The following DACH2 variants were observed in gnomAD, a reference collection of about 807,000 sequenced individuals.
The protein encoded by DACH2 is dachshund homolog 2.
A neutral mutation model predicts 35.8 loss-of-function variants in DACH2; 17 were observed. The ratio of observed to expected loss-of-function variants is 0.48; its 90% CI spans 0.33 to 0.71. The LOEUF is 0.71. Among genes scored for constraint, DACH2 ranks in the 30% least tolerant of loss-of-function variants. The pLI is 0.02. For missense variants in DACH2, 469 were observed against 472.7 expected (o/e 0.99, Z 0.07); for synonymous variants, 195 against 177.3 (o/e 1.10, Z -0.79).
chrX:86,296,238 G>A (rs748766627), intron 1 of DACH2, among the ~76,000 whole-genome samples: 58 of 103,494 alleles, frequency 5.6e-4, no homozygotes, highest in Non-Finnish European at 7.1e-4. Flanking sequence ...AAAATTAGCC[G>A]GGCGTGATGG....
chrX:86,616,252 T>G (rs1053328011), intron 3 of DACH2, among the ~76,000 whole-genome samples: 18 of 112,034 alleles, frequency 1.6e-4, no homozygotes, highest in African/African-American at 5.5e-4. Flanking sequence ...TGTGTCTTCA[T>G]AGTAGAAAGA....
chrX:86,373,142 C>T (rs1426390309), intron 1 of DACH2, among the ~76,000 whole-genome samples: 2 of 110,533 alleles, frequency 1.8e-5, no homozygotes, highest in African/African-American at 6.6e-5. Context: ...CATACAAGTT[C>T]ATGTGTGTTT....
intron 1 of DACH2, among the ~76,000 whole-genome samples, chrX:86,255,813 T>C (rs1047794569): frequency 1.3e-4 from 14 of 111,904 alleles, no homozygotes; most frequent in South Asian, 7.4e-4. Flanking sequence ...TCTATATAAA[T>C]CATGAAGTTT....
intron 2 of DACH2, among the ~76,000 whole-genome samples, chrX:86,432,004 G>T (rs889515234): frequency 9.0e-6 from 1 of 111,697 alleles, no homozygotes; most frequent in African/African-American, 3.2e-5. Context: ...GTTGTTTCTG[G>T]ATTGACAACT....
chrX:86,481,967 C>A (rs1210866410), intron 2 of DACH2, among the ~76,000 whole-genome samples: 1 of 112,136 alleles, frequency 8.9e-6, no homozygotes, highest in East Asian at 2.8e-4. Context: ...TACACTCAAT[C>A]ATTGATGCTA....
At position 86,659,786 on chromosome X, in the gene DACH2, A is replaced by G. The variant is rs973827272; in HGVS notation, c.772+8619A>G. On this transcript the variant is annotated intron_variant, in intron 4 of 11. Transcript: ENST00000373125. Reference sequence around the variant, plus strand: ...GCCTTGGTTACAATGAACGAATCTGAGATAATCACATTGCCTTTGAATTCT... The same window carrying G: ...GCCTTGGTTACAATGAACGAATCTGGGATAATCACATTGCCTTTGAATTCT... Among the ~76,000 whole-genome samples the G allele has an allele frequency of 4.5e-5, 5 of 111,772 alleles. 1 individual carries two copies. Among genetic ancestry groups the G allele is most frequent in the Non-Finnish European group, 3.8e-5 (2 of 53,009 alleles).
At chrX:86,687,406 G>A (rs753215776) in intron 4 of DACH2, among the ~76,000 whole-genome samples, 97 of 111,585 alleles carry the variant, frequency 8.7e-4, no homozygotes, top group African/African-American at 3.0e-3. Context: ...ATGCTGGAGA[G>A]GTTCTGGAAA....
chrX:86,256,519 C>T (rs989305286), intron 1 of DACH2, among the ~76,000 whole-genome samples: 1 of 111,434 alleles, frequency 9.0e-6, no homozygotes, highest in African/African-American at 3.3e-5. Flanking sequence ...TACACATGCG[C>T]GTGAGACTAA....
intron 1 of DACH2, among the ~76,000 whole-genome samples, chrX:86,258,130 C>T (rs1451561196): frequency 1.8e-5 from 2 of 111,774 alleles, no homozygotes; most frequent in Non-Finnish European, 3.8e-5. Context: ...GACATTTTGG[C>T]ATATTGGAAA....
chrX:86,355,696 T>A (rs1441117053), intron 1 of DACH2, among the ~76,000 whole-genome samples: 1 of 111,222 alleles, frequency 9.0e-6, no homozygotes, highest in Non-Finnish European at 1.9e-5. Flanking sequence ...ACCCAGCCTA[T>A]TTTTTGAGTT....
chrX:86,214,339 T>C (rs933140420), intron 1 of DACH2, among the ~76,000 whole-genome samples: 1 of 112,383 alleles, frequency 8.9e-6, no homozygotes, highest in Non-Finnish European at 1.9e-5. Flanking sequence ...TGATTGGTTA[T>C]CTTATGTCTA....
intron 1 of DACH2, among the ~76,000 whole-genome samples, chrX:86,360,249 A>C (rs1475747217): frequency 1.8e-5 from 2 of 110,681 alleles, no homozygotes; most frequent in Non-Finnish European, 1.9e-5. Context: ...GTAACACAGA[A>C]TCAGATGTTT....
At chrX:86,407,755 A>G (rs1464907004) in intron 2 of DACH2, among the ~76,000 whole-genome samples, 5 of 111,688 alleles carry the variant, frequency 4.5e-5, no homozygotes, top group Non-Finnish European at 7.5e-5. Flanking sequence ...AGAGCATTGA[A>G]TTTCATGGAT....
intron 6 of DACH2, 100 bp downstream of exon 6, chrX:86,714,820 A>C: frequency 3.9e-6 from 3 of 762,174 alleles, no homozygotes; most frequent in Non-Finnish European, 5.5e-6. Flanking sequence ...AACTCAGCTC[A>C]TTGACTCAGT....
intron 7 of DACH2, among the ~76,000 whole-genome samples, chrX:86,754,225 ATAAAAC>A (rs2041804595): frequency 1.8e-5 from 2 of 111,647 alleles, no homozygotes; most frequent in Non-Finnish European, 3.8e-5. Flanking sequence ...AATCAACAGA[ATAAAAC>A]TAAAGAAAGA....
intron 2 of DACH2, among the ~76,000 whole-genome samples, chrX:86,454,076 T>G (rs998673014): frequency 4.5e-4 from 50 of 111,579 alleles, no homozygotes; most frequent in African/African-American, 1.6e-3. Context: ...GGTTAGAAAT[T>G]TTTTCTTTAA....
chrX:86,436,719 T>A (rs1402818734), intron 2 of DACH2, among the ~76,000 whole-genome samples: 1 of 111,404 alleles, frequency 9.0e-6, no homozygotes, highest in African/African-American at 3.3e-5. Flanking sequence ...ATTGGAACAA[T>A]TTCTTTCTTA....
intron 2 of DACH2, among the ~76,000 whole-genome samples, chrX:86,378,590 T>C (rs1014378528): frequency 1.8e-5 from 2 of 110,932 alleles, no homozygotes; most frequent in Non-Finnish European, 3.8e-5. Flanking sequence ...CTCCAATTCT[T>C]AAATGTTGGT....
chrX:86,274,625 G>T (rs146856217), intron 1 of DACH2, among the ~76,000 whole-genome samples: 1 of 106,492 alleles, frequency 9.4e-6, no homozygotes, highest in African/African-American at 3.5e-5. Flanking sequence ...CTCTCGAGTA[G>T]CTGGGACTAC....
Sources: gnomAD v4.1 joint callset for allele counts (sites outside exome capture counted in the v4.1 genomes callset) on GRCh38, gnomAD v4.1.1 for gene constraint, MANE v1.5 for transcripts, NCBI Gene and HGNC (gene_info 2026-07-23, HGNC 2026-07-21) for gene names.